The following CILK1 variants were observed in gnomAD, a reference collection of about 807,000 sequenced individuals.
CILK1 encodes ciliogenesis associated kinase 1.
A neutral mutation model predicts 79.2 loss-of-function variants in CILK1; 47 were observed. The observed-to-expected ratio is 0.59, with a 90% confidence interval of 0.47 to 0.76. The LOEUF (loss-of-function observed/expected upper bound fraction) is 0.76, where lower values mean the gene tolerates loss of function less well. Ranked by LOEUF, CILK1 falls within the 30% of genes least tolerant of loss-of-function variation. The probability of loss-of-function intolerance (pLI) is 0.00; values close to 1 mark genes in which losing one functional copy is unlikely to be tolerated. For synonymous variants in CILK1, 266 were observed against 275.9 expected, an observed-to-expected ratio of 0.96 and a Z score of 0.36; for missense variants, 660 against 769.5, an observed-to-expected ratio of 0.86 and a Z score of 1.68.
rs146622007 is a variant in CILK1 at position 53,047,873 on chromosome 6, T to C, written c.-172-6465A>G. On this transcript the variant is annotated intron_variant, in intron 1 of 13. Transcript: ENST00000676107. ...GTGTGTTTTTGTGTTATTTGGACAA[T>C]GTACAGAGATGTGGGTTCTGTTTTC... Among the ~76,000 whole-genome samples, 65 of 151,954 alleles carry C rather than the reference T, an allele frequency of 4.3e-4. No homozygotes were observed. The Middle Eastern group carries it at 0.01, about 24-fold the overall frequency.
chr6:53,028,464 A>T (rs944833329), intron 5 of CILK1, among the ~76,000 whole-genome samples: 3 of 152,188 alleles, frequency 2.0e-5, no homozygotes, highest in African/African-American at 7.2e-5. Flanking sequence ...TTGCAATGGG[A>T]CCTTTCACAG....
At chr6:53,019,476 C>A in intron 5 of CILK1, 117 bp from the exon 6 acceptor site, 3 of 1,147,312 alleles carry the variant, frequency 2.6e-6, no homozygotes, top group Non-Finnish European at 3.8e-6. Context: ...GGCATGGCAC[C>A]AAAGGCTTTA....
intron 9 of CILK1, among the ~76,000 whole-genome samples, chr6:53,013,100 T>A (rs1764673997): frequency 6.6e-6 from 1 of 152,226 alleles, no homozygotes; most frequent in African/African-American, 2.4e-5. Context: ...TGGCCTTTGA[T>A]CCTCATGAAC....
chr6:53,024,783 G>A (rs543087169), intron 5 of CILK1, among the ~76,000 whole-genome samples: 1 of 151,564 alleles, frequency 6.6e-6, no homozygotes, highest in East Asian at 1.9e-4. Context: ...ATGTGTCATA[G>A]CTATTATAGT....
chr6:53,022,172 A>C (rs1765285801), intron 5 of CILK1, among the ~76,000 whole-genome samples: 1 of 152,206 alleles, frequency 6.6e-6, no homozygotes, highest in East Asian at 1.9e-4. Flanking sequence ...ATGAAATAAA[A>C]AGTTTCAGCA....
intron 1 of CILK1, among the ~76,000 whole-genome samples, chr6:53,054,927 C>T (rs193118103): frequency 6.6e-6 from 1 of 152,132 alleles, no homozygotes; most frequent in Admixed American, 6.5e-5. Context: ...AAAATGGAGG[C>T]GAGGGGCAGG....
intron 5 of CILK1, among the ~76,000 whole-genome samples, chr6:53,029,793 A>G (rs1326566897): frequency 6.6e-6 from 1 of 152,234 alleles, no homozygotes; most frequent in African/African-American, 2.4e-5. Context: ...CTTGAGTAAT[A>G]AAACTTATTT....
rs533640896 is a variant in CILK1, at chr6:53,060,030, G to A, written c.-173+1566C>T. ...AAGGTCTTGATGACTCATTGATACA[G>A]AGGATGAAGGAAATGAAGGAAAAGA... On this transcript the variant is annotated intron_variant, in intron 1 of 13. Transcript: ENST00000676107. Among the ~76,000 whole-genome samples the A allele has an allele frequency of 2.6e-5, 4 of 152,324 alleles. No homozygotes were observed. In the South Asian group the frequency reaches 8.3e-4, roughly 32 times the overall value.
intron 1 of CILK1, chr6:53,061,097 T>C (rs1025735797): frequency 1.3e-5 from 2 of 152,240 alleles, no homozygotes; most frequent in Non-Finnish European, 2.9e-5. Flanking sequence ...AATGTTAGTG[T>C]CAAAGTCAAA....
chr6:53,033,397 T>C (rs1766099252), intron 3 of CILK1, among the ~76,000 whole-genome samples: 2 of 152,224 alleles, frequency 1.3e-5, no homozygotes, highest in South Asian at 4.1e-4. Context: ...AACATGTGCG[T>C]ACATGTGAGT....
chr6:53,015,023 G>A (rs570401652), intron 8 of CILK1, among the ~76,000 whole-genome samples: 3 of 152,074 alleles, frequency 2.0e-5, no homozygotes, highest in African/African-American at 4.8e-5. Context: ...AAAGTCTTAC[G>A]GCACCAAATT....
At chr6:53,051,174 C>T (rs1454096637) in intron 1 of CILK1, among the ~76,000 whole-genome samples, 1 of 152,216 alleles carries the variant, frequency 6.6e-6, no homozygotes, top group Non-Finnish European at 1.5e-5. Flanking sequence ...TCAAGGAAGG[C>T]TCTGGGCCAC....
chr6:53,025,036 C>G (rs531046305), intron 5 of CILK1, among the ~76,000 whole-genome samples: 1 of 151,994 alleles, frequency 6.6e-6, no homozygotes, highest in South Asian at 2.1e-4. Flanking sequence ...TTTTGCCATG[C>G]TGGTCAAGCT....
intron 1 of CILK1, among the ~76,000 whole-genome samples, chr6:53,059,556 A>G (rs577155275): frequency 2.7e-4 from 41 of 152,346 alleles, no homozygotes; most frequent in Admixed American, 2.1e-3. Context: ...GAAGGGAGGT[A>G]GTTTCTAGGG....
chr6:53,005,220 G>T lies in CILK1; in HGVS notation c.1828C>A (p.Pro610Thr), dbSNP rs889394256. 6.2e-7 allele frequency: 1 copy of T among 1,614,198 alleles called. No homozygotes were observed. The highest frequency in any genetic ancestry group is 2.2e-5 in the East Asian group (1 of 44,882). ...ACTGGCTGGGCGGCTGGAGGCCGTG[G>T]TATCAACCCAGGAGTGCTTCTAGGC... ...TQPRSTPGLI[P>T]RPPAAQPVHG... Residue 610 changes from proline to threonine, a missense_variant, in exon 14 of 14, where the codon CCA (proline) becomes ACA (threonine). Transcript: ENST00000676107.
At chr6:53,009,757 G>A (rs116748226) in intron 11 of CILK1, among the ~76,000 whole-genome samples, 190 bp from the exon 12 acceptor site, 197 of 152,310 alleles carry the variant, frequency 1.3e-3, no homozygotes, top group African/African-American at 4.4e-3. Context: ...TTGGTGGCCC[G>A]AGAGAGGCCT....
At chr6:53,012,396 A>G (rs1488842142) in intron 9 of CILK1, among the ~76,000 whole-genome samples, 169 bp from the exon 10 acceptor site, 1 of 152,142 alleles carries the variant, frequency 6.6e-6, no homozygotes, top group Non-Finnish European at 1.5e-5. Flanking sequence ...TTTCTGTCTC[A>G]CTCATCCTTC....
chr6:53,023,496 C>G (rs1765382038), intron 5 of CILK1, among the ~76,000 whole-genome samples: 2 of 152,120 alleles, frequency 1.3e-5, no homozygotes, highest in Admixed American at 6.5e-5. Flanking sequence ...GCACTGAGAA[C>G]TGAGAGAGAA....
At chr6:53,035,618 G>C (rs974437063) in intron 3 of CILK1, among the ~76,000 whole-genome samples, 13 of 152,098 alleles carry the variant, frequency 8.5e-5, no homozygotes, top group African/African-American at 3.1e-4. Context: ...GGTCTTCATG[G>C]GCAGACATGC....
Sources: allele counts gnomAD v4.1 joint callset (sites outside exome capture counted in the v4.1 genomes callset), GRCh38; gene constraint gnomAD v4.1.1; transcripts MANE v1.5; gene names NCBI Gene and HGNC (gene_info 2026-07-23, HGNC 2026-07-21).